Variants in FREM1 observed in about 807,000 individuals in gnomAD.
FREM1 encodes the protein FRAS1 related extracellular matrix 1, also known as FRAS1-related extracellular matrix protein 1.
In FREM1, 220 loss-of-function variants were observed where a neutral mutation model predicts 210.1. The observed-to-expected ratio is 1.05, with a 90% CI of 0.94 to 1.17. The LOEUF (loss-of-function observed/expected upper bound fraction) is 1.17, where lower values mean the gene tolerates loss of function less well. FREM1 is among the 50% of genes most tolerant of loss of function. The pLI, the probability that FREM1 is intolerant of heterozygous loss-of-function variation, is 0.00. For missense variants in FREM1, 3,454 were observed against 2,675.5 expected (o/e 1.29, Z -6.42); for synonymous variants, 1,189 against 980.2 (o/e 1.21, Z -3.98).
chr9:14,790,292 T>C (rs2133006394), intron 22 of FREM1, among the ~76,000 whole-genome samples: 1 of 152,292 alleles, frequency 6.6e-6, no homozygotes, highest in African/African-American at 2.4e-5. Context: ...TTTATGTCAT[T>C]CTACTTGATA....
intron 12 of FREM1, among the ~76,000 whole-genome samples, chr9:14,823,639 T>G (rs1047128817): frequency 6.6e-6 from 1 of 152,198 alleles, no homozygotes; most frequent in East Asian, 1.9e-4. Flanking sequence ...CTTTATGTCC[T>G]GGCAGTTTAT....
intron 24 of FREM1, among the ~76,000 whole-genome samples, chr9:14,784,064 C>A (rs1260815978): frequency 1.3e-5 from 2 of 152,248 alleles, no homozygotes; most frequent in East Asian, 1.9e-4. Context: ...GTATATTTTT[C>A]AATAACAGGC....
chr9:14,754,495 G>A (rs372437661), intron 29 of FREM1, among the ~76,000 whole-genome samples: 3 of 152,110 alleles, frequency 2.0e-5, no homozygotes, highest in African/African-American at 4.8e-5. Flanking sequence ...GCTGAATGGC[G>A]TTTCTAAAAA....
At chr9:14,764,658 G>A (rs975100353) in intron 27 of FREM1, among the ~76,000 whole-genome samples, 1 of 152,132 alleles carries the variant, frequency 6.6e-6, no homozygotes, top group African/African-American at 2.4e-5. Context: ...GAGAGGCCTG[G>A]GGTGCTGCTG....
chr9:14,906,675 C>T (rs891357609), intron 1 of FREM1, among the ~76,000 whole-genome samples: 1 of 152,128 alleles, frequency 6.6e-6, no homozygotes, highest in Non-Finnish European at 1.5e-5. Context: ...TAACAAGAAA[C>T]GTAGGCCTTA....
At chr9:14,857,892 G>GAA in intron 4 of FREM1, 143 bp from the exon 5 acceptor site, 1 of 527,750 alleles carries the variant, frequency 1.9e-6, no homozygotes, top group African/African-American at 1.9e-5. Flanking sequence ...TCACTGAGTG[G>GAA]GTTGTCATTA....
chr9:14,859,050 C>G (rs1829324063), intron 4 of FREM1, 133 bp downstream of exon 4: 1 of 638,840 alleles, frequency 1.6e-6, no homozygotes, highest in African/African-American at 1.8e-5. Flanking sequence ...GTGCTCTTAA[C>G]CACTAACTGA....
Position 14,805,008 on chromosome 9 carries a change from A to G in FREM1, c.3419T>C (p.Ile1140Thr). The change falls in exon 19 of 37, where the codon ATA becomes ACA. Residue 1140 changes from isoleucine to threonine, a missense_variant. Physicochemically the swap from Ile to Thr is moderately conservative, Grantham distance 89. Coordinates refer to ENST00000380880, the MANE Select transcript of FREM1 (RefSeq NM_001379081.2). ...AGCTTCATCATTTGTGGGGTTGATT[A>G]TAATAGAAAATGGTATCTCCAAGGA... is the stretch of plus-strand genomic sequence containing the variant. The part of the protein sequence containing the change: ...HHSLEIPFSI[I>T]INPTNDEAPD... 6.2e-7 allele frequency: 1 copy of G among 1,613,830 alleles called. No individual in the cohort carries two copies. Among genetic ancestry groups the G allele is most frequent in the Non-Finnish European group, 8.5e-7 (1 of 1,179,726 alleles).
At chr9:14,897,636 G>T (rs2132520670) in intron 1 of FREM1, among the ~76,000 whole-genome samples, 1 of 151,192 alleles carries the variant, frequency 6.6e-6, no homozygotes, top group African/African-American at 2.4e-5. Context: ...TTTTGCCCAG[G>T]CTGGAGTACA....
At chr9:14,901,565 A>T (rs1838785106) in intron 1 of FREM1, among the ~76,000 whole-genome samples, 1 of 152,082 alleles carries the variant, frequency 6.6e-6, no homozygotes, top group South Asian at 2.1e-4. Context: ...AAAGGAAGTG[A>T]CTCCTTTTTA....
At chr9:14,761,730 C>T (rs1288350451) in intron 27 of FREM1, among the ~76,000 whole-genome samples, 1 of 152,166 alleles carries the variant, frequency 6.6e-6, no homozygotes, top group African/African-American at 2.4e-5. Flanking sequence ...GGGCAAGAAT[C>T]ATCCCTTTGT....
chr9:14,899,924 T>C (rs1447277272), intron 1 of FREM1, among the ~76,000 whole-genome samples: 1 of 152,216 alleles, frequency 6.6e-6, no homozygotes, highest in African/African-American at 2.4e-5. Flanking sequence ...TTTTGCTCAG[T>C]TCAGCACACC....
At chr9:14,886,253 C>T (rs1190851746) in intron 1 of FREM1, among the ~76,000 whole-genome samples, 1 of 151,982 alleles carries the variant, frequency 6.6e-6, no homozygotes, top group Non-Finnish European at 1.5e-5. Context: ...GGCATGATGG[C>T]ACACGCCTGT....
intron 8 of FREM1, among the ~76,000 whole-genome samples, chr9:14,845,423 G>A (rs1452506927): frequency 6.6e-6 from 1 of 151,966 alleles, no homozygotes; most frequent in Non-Finnish European, 1.5e-5. Flanking sequence ...TCCTGTCTCA[G>A]CCTCCCAAGT....
In FREM1 at chr9:14,910,161, C is replaced by T. The variant is rs1818483442; in HGVS notation, c.-515G>A. Reference sequence around the variant, plus strand: ...AGAATTGAAGTTCACATACACACTCCACTTTCTTTGCTGGTCTTCTCCAAG... The same window carrying T: ...AGAATTGAAGTTCACATACACACTCTACTTTCTTTGCTGGTCTTCTCCAAG... On this transcript the variant is annotated 5_prime_UTR_variant, in exon 1 of 37. Coordinates refer to ENST00000380880, the MANE Select transcript of FREM1 (RefSeq NM_001379081.2). 1 of 152,250 alleles carries T rather than the reference C, an allele frequency of 6.6e-6. No individual in the cohort carries two copies. Among genetic ancestry groups the T allele is most frequent in the African/African-American group, 2.4e-5 (1 of 41,452 alleles). 9.4% of individuals were successfully genotyped at this position (152,250 alleles called of 1,614,324 possible). A position where few individuals can be genotyped will look rare whatever the true frequency, so the allele number is the denominator to read the frequency against.
At chr9:14,767,306 G>C (rs535294670) in intron 27 of FREM1, among the ~76,000 whole-genome samples, 1 of 152,240 alleles carries the variant, frequency 6.6e-6, no homozygotes, top group East Asian at 1.9e-4. Flanking sequence ...CTTCTTTCTT[G>C]CTTGGGTGGC....
chr9:14,880,277 T>A (rs6474869), intron 1 of FREM1, among the ~76,000 whole-genome samples: 2,927 of 151,968 alleles, frequency 0.019, 91 homozygotes, highest in African/African-American at 0.065. Context: ...AATATTTTTT[T>A]AAAAAAAGGA....
intron 22 of FREM1, among the ~76,000 whole-genome samples, chr9:14,789,645 T>A (rs1161368150): frequency 2.0e-5 from 3 of 152,204 alleles, no homozygotes; most frequent in Non-Finnish European, 4.4e-5. Flanking sequence ...AAGAAAATGA[T>A]GGGGATCACT....
At chr9:14,800,796 C>T (rs1817126840) in intron 20 of FREM1, among the ~76,000 whole-genome samples, 2 of 152,072 alleles carry the variant, frequency 1.3e-5, no homozygotes, top group South Asian at 4.2e-4. Context: ...TAGAGAGAGC[C>T]CTTGAGAGAC....
Sources: allele counts gnomAD v4.1 joint callset (sites outside exome capture counted in the v4.1 genomes callset), GRCh38; gene constraint gnomAD v4.1.1; transcripts MANE v1.5; gene names NCBI Gene and HGNC (gene_info 2026-07-23, HGNC 2026-07-21).